Variants in RNGTT observed in about 807,000 individuals in gnomAD.
The protein encoded by RNGTT is mRNA-capping enzyme.
In RNGTT, 33 loss-of-function variants were observed where a neutral mutation model predicts 79.3. That is an observed-to-expected ratio of 0.42 (90% CI 0.32 to 0.56). RNGTT has a LOEUF of 0.56. Ranked by LOEUF, RNGTT falls within the 20% of genes least tolerant of loss-of-function variation. The pLI is 0.17. For synonymous variants in RNGTT, 222 were observed against 235.9 expected, an observed-to-expected ratio of 0.94 and a Z score of 0.54; for missense variants, 497 against 739.1, an observed-to-expected ratio of 0.67 and a Z score of 3.80.
At chr6:88,622,694 A>T (rs1772481354) in intron 14 of RNGTT, among the ~76,000 whole-genome samples, 1 of 152,064 alleles carries the variant, frequency 6.6e-6, no homozygotes, top group Admixed American at 6.6e-5. Flanking sequence ...TTTCTCTAGC[A>T]ATCTTATTTA....
intron 12 of RNGTT, among the ~76,000 whole-genome samples, chr6:88,793,802 C>CA (rs1451945183): frequency 6.6e-6 from 1 of 151,594 alleles, no homozygotes; most frequent in Non-Finnish European, 1.5e-5. Context: ...TCTCCCCCAC[C>CA]AAAAAAAGAA....
rs767180630 is a variant in RNGTT, at chr6:88,880,216, AAG to A, written c.896+10277_896+10278del. The stretch of plus-strand genomic sequence containing the variant: ...AATGAATGAATGAATGAATGAATGA[AAG>A]GAAGAAGGGAAGGAAGGGAGGGAGG... On this transcript the variant is annotated intron_variant, in intron 8 of 15. Transcript: ENST00000369485. 8.2e-4 allele frequency among the ~76,000 whole-genome samples: 125 copies of A among 152,192 alleles called. 1 individual carries two copies. Among genetic ancestry groups the A allele is most frequent in the Non-Finnish European group, 1.3e-3 (86 of 67,998 alleles).
chr6:88,616,524 T>A (rs182422032), intron 14 of RNGTT, among the ~76,000 whole-genome samples: 5,665 of 151,756 alleles, frequency 0.037, 329 homozygotes, highest in African/African-American at 0.12. Context: ...CTTTTTTTTT[T>A]AAAAAAAATT....
intron 8 of RNGTT, among the ~76,000 whole-genome samples, chr6:88,882,433 C>T (rs768527364): frequency 2.9e-4 from 44 of 152,298 alleles, no homozygotes; most frequent in Non-Finnish European, 5.7e-4. Context: ...GAACCTAGCA[C>T]AGTACCTGAC....
intron 13 of RNGTT, among the ~76,000 whole-genome samples, chr6:88,696,763 A>G (rs979422951): frequency 6.6e-6 from 1 of 152,140 alleles, no homozygotes; most frequent in Non-Finnish European, 1.5e-5. Context: ...TTTATACTTC[A>G]GACAAGTAAG....
chr6:88,630,019 T>C (rs957261845), intron 14 of RNGTT, among the ~76,000 whole-genome samples: 2 of 152,156 alleles, frequency 1.3e-5, no homozygotes, highest in Non-Finnish European at 2.9e-5. Context: ...TGCCATGCTG[T>C]GCCTACGCTA....
intron 10 of RNGTT, 23 bp from the exon 11 acceptor site, chr6:88,844,544 T>A (rs769133031): frequency 1.9e-6 from 3 of 1,591,020 alleles, no homozygotes; most frequent in South Asian, 1.1e-5. Context: ...AAGAATTAGT[T>A]AAATTTCAAC....
chr6:88,790,856 GAA>G (rs1779383668), intron 12 of RNGTT, among the ~76,000 whole-genome samples: 1 of 152,106 alleles, frequency 6.6e-6, no homozygotes, highest in African/African-American at 2.4e-5. Flanking sequence ...TTCTCATTTA[GAA>G]CTTGCTCTTA....
At chr6:88,908,616 C>T (rs998413653) in intron 4 of RNGTT, among the ~76,000 whole-genome samples, 9 of 152,108 alleles carry the variant, frequency 5.9e-5, no homozygotes, top group African/African-American at 2.2e-4. Context: ...CACCACACTC[C>T]CACCATGGTC....
intron 14 of RNGTT, among the ~76,000 whole-genome samples, chr6:88,619,598 G>A (rs773290260): frequency 4.6e-5 from 7 of 152,160 alleles, no homozygotes; most frequent in Non-Finnish European, 7.4e-5. Flanking sequence ...GAGAAAGAAG[G>A]AAAGAAGAAC....
At chr6:88,919,707 C>CTTTTTTTTTTTT (rs5878082) in intron 4 of RNGTT, among the ~76,000 whole-genome samples, 11 of 58,484 alleles carry the variant, frequency 1.9e-4, no homozygotes, top group East Asian at 9.3e-4. Context: ...GTCAGTAGTT[C>CTTTTTTTTTTTT]TTTTTTTTTT....
intron 11 of RNGTT, among the ~76,000 whole-genome samples, chr6:88,805,264 AAAC>A (rs1190418518): frequency 6.6e-6 from 1 of 152,192 alleles, no homozygotes; most frequent in East Asian, 1.9e-4. Flanking sequence ...AGTACAAAGA[AAAC>A]AACAACTGAC....
chr6:88,686,818 G>A (rs183004329), intron 13 of RNGTT, among the ~76,000 whole-genome samples: 32 of 152,006 alleles, frequency 2.1e-4, no homozygotes, highest in Admixed American at 1.4e-3. Context: ...TCCAAACTTC[G>A]CACAAGTCAC....
At chr6:88,868,291 G>A (rs1335890230) in intron 8 of RNGTT, among the ~76,000 whole-genome samples, 1 of 152,202 alleles carries the variant, frequency 6.6e-6, no homozygotes, top group East Asian at 1.9e-4. Context: ...AATTCAAGGA[G>A]TGGGAGTTGA....
chr6:88,929,971 C>T (rs1278615304), intron 2 of RNGTT, among the ~76,000 whole-genome samples: 1 of 147,802 alleles, frequency 6.8e-6, no homozygotes, highest in Non-Finnish European at 1.5e-5. Flanking sequence ...CATATGTATA[C>T]ATGCATATGT....
At chr6:88,648,931 C>T (rs1301166407) in intron 14 of RNGTT, among the ~76,000 whole-genome samples, 1 of 152,126 alleles carries the variant, frequency 6.6e-6, no homozygotes, top group East Asian at 1.9e-4. Flanking sequence ...TTTATATGCC[C>T]AGTCTCCACC....
intron 14 of RNGTT, among the ~76,000 whole-genome samples, chr6:88,652,420 A>C (rs956833696): frequency 2.6e-5 from 4 of 152,194 alleles, no homozygotes; most frequent in Non-Finnish European, 4.4e-5. Context: ...TTCACAATTT[A>C]GAAAAAAAAC....
At chr6:88,950,158 AT>A (rs1785193090) in intron 1 of RNGTT, among the ~76,000 whole-genome samples, 1 of 152,172 alleles carries the variant, frequency 6.6e-6, no homozygotes, top group African/African-American at 2.4e-5. Flanking sequence ...GTTTTACTGA[AT>A]TTTTTGAACC....
In RNGTT at chr6:88,769,776, T is replaced by C; in HGVS notation, c.1437A>G (p.Glu479=). The C allele has an allele frequency of 6.3e-7, 1 of 1,597,148 alleles. No homozygotes were observed. The part of the protein sequence containing the change: ...FRLKITRMGG[E]GLLPQNVGLL... ...AAAGTACAAAAGTGCATACTTACCCTTCTCCTCCCATTCTTGTTATTTTTA... is the reference window on the plus strand; with the variant it reads ...AAAGTACAAAAGTGCATACTTACCCCTCTCCTCCCATTCTTGTTATTTTTA... The change falls in exon 13 of 16, where the codon GAA becomes GAG. Residue 479 remains glutamate (E), a splice_region_variant and synonymous_variant. Coordinates refer to ENST00000369485, the MANE Select transcript of RNGTT (RefSeq NM_003800.5).
Sources: gnomAD v4.1 joint callset for allele counts (sites outside exome capture counted in the v4.1 genomes callset) on GRCh38, gnomAD v4.1.1 for gene constraint, MANE v1.5 for transcripts, NCBI Gene and HGNC (gene_info 2026-07-23, HGNC 2026-07-21) for gene names.